ZNF438: variants seen among roughly 807,000 people sequenced by gnomAD.
ZNF438 encodes zinc finger protein 438.
Under a neutral mutation model 38.0 loss-of-function variants are expected in ZNF438, and 25 were observed. The ratio of observed to expected loss-of-function variants is 0.66; its 90% confidence interval spans 0.48 to 0.92. The LOEUF is 0.92. ZNF438 is among the 40% of genes least tolerant of loss of function. The pLI is 0.00. For missense variants in ZNF438, 1,007 were observed against 999.6 expected (o/e 1.01, Z -0.10); for synonymous variants, 372 against 364.1 (o/e 1.02, Z -0.25).
intron 1 of ZNF438, among the ~76,000 whole-genome samples, chr10:31,003,917 A>G (rs1236431183): frequency 1.3e-5 from 2 of 152,092 alleles, no homozygotes; most frequent in African/African-American, 4.8e-5. Flanking sequence ...CTGGGGGGAG[A>G]GCATATATGG....
At chr10:30,919,735 C>T in intron 2 of ZNF438, 1 of 152,666 alleles carries the variant, frequency 6.6e-6, no homozygotes, top group Non-Finnish European at 1.5e-5. Flanking sequence ...GATTCTCCTG[C>T]CTCAGCCTCT....
chr10:30,894,922 G>C (rs1436447454), intron 3 of ZNF438, among the ~76,000 whole-genome samples: 1 of 152,156 alleles, frequency 6.6e-6, no homozygotes, highest in African/African-American at 2.4e-5. Context: ...TAAAATTTAG[G>C]TTGGGATAAA....
At chr10:30,903,201 C>T (rs1271704923) in intron 3 of ZNF438, among the ~76,000 whole-genome samples, 3 of 152,216 alleles carry the variant, frequency 2.0e-5, no homozygotes, top group South Asian at 4.1e-4. Context: ...CCCCGCAAGC[C>T]AAGGGAGCCG....
chr10:30,935,954 T>A (rs903554229), intron 2 of ZNF438, among the ~76,000 whole-genome samples: 1 of 152,134 alleles, frequency 6.6e-6, no homozygotes, highest in South Asian at 2.1e-4. Flanking sequence ...AAGATGAGAT[T>A]TGGGTGGGGA....
exon 5 of ZNF438, chr10:30,848,915 T>C (rs771487176): frequency 6.2e-7 from 1 of 1,614,100 alleles, no homozygotes; most frequent in Non-Finnish European, 8.5e-7. Flanking sequence ...AGAGAATCCA[T>C]TTCTGAACAC....
At chr10:30,902,889 G>A (rs1033449461) in intron 3 of ZNF438, among the ~76,000 whole-genome samples, 6 of 152,234 alleles carry the variant, frequency 3.9e-5, no homozygotes, top group African/African-American at 1.4e-4. Context: ...CTCAGGTGGT[G>A]CAGGAGCCCA....
intron 1 of ZNF438, among the ~76,000 whole-genome samples, chr10:31,016,405 A>G (rs979937134): frequency 1.3e-5 from 2 of 152,248 alleles, no homozygotes; most frequent in Non-Finnish European, 2.9e-5. Context: ...TCCTGCTTAT[A>G]TCATTACCAT....
rs539431533 is a variant in ZNF438 at position 30,947,821 on chromosome 10, G to A, written c.-191-6170C>T. Among the ~76,000 whole-genome samples, 577 of 152,304 alleles carry A rather than the reference G, an allele frequency of 3.8e-3. 8 individuals are homozygous for A. Among genetic ancestry groups the A allele is most frequent in the African/African-American group, 0.013 (541 of 41,562 alleles). On this transcript the variant is annotated intron_variant, in intron 1 of 5. Transcript: ENST00000413025. ...CATCTGTCACCCCTTTCTTTGACTC[G>A]GAAAGGGAACTCCCTGACCCCTTGC...
chr10:30,985,064 AT>A (rs1456659049), intron 1 of ZNF438, among the ~76,000 whole-genome samples: 4 of 152,190 alleles, frequency 2.6e-5, no homozygotes. Flanking sequence ...CCAGTTGTCA[AT>A]TTCGCAACTT....
intron 1 of ZNF438, among the ~76,000 whole-genome samples, chr10:31,020,124 A>G (rs2056484036): frequency 6.6e-6 from 1 of 152,218 alleles, no homozygotes; most frequent in Non-Finnish European, 1.5e-5. Context: ...TTTCAAATCC[A>G]TTTATTTCAT....
chr10:30,958,120 T>G (rs942152397), intron 1 of ZNF438, among the ~76,000 whole-genome samples: 2 of 146,744 alleles, frequency 1.4e-5, no homozygotes, highest in Admixed American at 1.4e-4. Flanking sequence ...GACCAAAGAA[T>G]AGCATTCCTG....
intron 4 of ZNF438, among the ~76,000 whole-genome samples, chr10:30,865,270 G>A (rs989941271): frequency 3.3e-5 from 5 of 152,204 alleles, no homozygotes; most frequent in African/African-American, 1.2e-4. Context: ...GGTAGTTAAT[G>A]AACTCACACA....
chr10:30,864,077 C>A (rs571190071), intron 4 of ZNF438, among the ~76,000 whole-genome samples: 2 of 152,276 alleles, frequency 1.3e-5, no homozygotes, highest in Admixed American at 1.3e-4. Flanking sequence ...TGTTTTTTGA[C>A]ATTGACTTCG....
chr10:30,996,867 A>C (rs1319419054), intron 1 of ZNF438, among the ~76,000 whole-genome samples: 1 of 152,170 alleles, frequency 6.6e-6, no homozygotes, highest in African/African-American at 2.4e-5. Flanking sequence ...AATGGCATGC[A>C]ATTAGAATAC....
chr10:30,940,121 T>C (rs2046663657), intron 2 of ZNF438, among the ~76,000 whole-genome samples: 1 of 152,112 alleles, frequency 6.6e-6, no homozygotes, highest in Non-Finnish European at 1.5e-5. Flanking sequence ...TATGCATTTA[T>C]AAGGATGAAA....
rs1589314315 is a variant in ZNF438 at position 30,942,312 on chromosome 10, G to C, written c.-191-661C>G. Among the ~76,000 whole-genome samples, 4 of 152,156 alleles carry C rather than the reference G, an allele frequency of 2.6e-5. No homozygotes were observed. In the East Asian group the frequency reaches 7.7e-4, roughly 29 times the overall value. ...TTTTATACATAAAGAGGCACCAAGGGTGTTTGGCAGAAAACACATTCAAAT... is the reference window on the plus strand; with the variant it reads ...TTTTATACATAAAGAGGCACCAAGGCTGTTTGGCAGAAAACACATTCAAAT... On this transcript the variant is annotated intron_variant, in intron 1 of 5. Transcript: ENST00000413025.
At chr10:30,940,163 A>G (rs749507117) in intron 2 of ZNF438, among the ~76,000 whole-genome samples, 27 of 152,226 alleles carry the variant, frequency 1.8e-4, no homozygotes, top group Non-Finnish European at 3.7e-4. Context: ...AAAAGCCAGC[A>G]CACTCTTAAT....
At position 30,909,019 on chromosome 10, in the gene ZNF438, A is replaced by G. The variant is rs2042835464; in HGVS notation, c.-114-4T>C. 6.6e-6 allele frequency: 1 copy of G among 152,196 alleles called. No homozygotes were observed. Among genetic ancestry groups the G allele is most frequent in the African/African-American group, 2.4e-5 (1 of 41,460 alleles). 9.4% of individuals were successfully genotyped at this position (152,196 alleles called of 1,614,324 possible). The stretch of plus-strand genomic sequence containing the variant: ...GTGCGTACTTTCTTCAACATACCTA[A>G]AAAAAGAAAACTGGATTTACAAACT... On this transcript the variant is annotated splice_polypyrimidine_tract_variant and splice_region_variant and intron_variant, in intron 2 of 5. Transcript: ENST00000413025.
intron 1 of ZNF438, among the ~76,000 whole-genome samples, chr10:31,013,175 C>T (rs985339567): frequency 6.6e-6 from 1 of 152,066 alleles, no homozygotes; most frequent in South Asian, 2.1e-4. Flanking sequence ...AAAAATTAGC[C>T]GCGCGCGGTG....
Sources: gnomAD v4.1 joint callset for allele counts (sites outside exome capture counted in the v4.1 genomes callset) on GRCh38, gnomAD v4.1.1 for gene constraint, MANE v1.5 for transcripts, NCBI Gene and HGNC (gene_info 2026-07-23, HGNC 2026-07-21) for gene names.